TLE3: variants seen among roughly 807,000 people sequenced by gnomAD.
The protein encoded by TLE3 is TLE family member 3, transcriptional corepressor.
Under a neutral mutation model 93.0 loss-of-function variants are expected in TLE3, and 14 were observed. The observed-to-expected ratio is 0.15, with a 90% CI of 0.10 to 0.24. TLE3 has a LOEUF of 0.24. Ranked by LOEUF, TLE3 falls within the 10% of genes least tolerant of loss-of-function variation. TLE3 has a pLI of 1.00. For synonymous variants in TLE3, 451 were observed against 425.0 expected (o/e 1.06, Z -0.75); for missense variants, 693 against 1,046.6 (o/e 0.66, Z 4.66).
chr15:70,074,585 G>A lies in TLE3; in HGVS notation c.320C>T (p.Ala107Val). ...SQEHQQQVAQ[A>V]VERAKQVTMT... ...GGTGACCTGCTTGGCGCGCTCCACT[G>A]CCTGCGCCACCTGCTGCTGGTGCTG... The change falls in exon 6 of 20, where the codon GCA becomes GTA. Residue 107 changes from alanine (A) to valine (V), a missense_variant. Ala to Val is a moderately conservative substitution (Grantham distance 64). Around this residue, in one of 4 missense-constraint regions of TLE3, gnomAD observed 104 missense variants for 173.8 expected, o/e 0.60. Coordinates refer to ENST00000451782, the MANE Select transcript of TLE3 (RefSeq NM_001105192.3). The A allele has an allele frequency of 6.2e-7, 1 of 1,611,736 alleles. No homozygotes were observed. Among genetic ancestry groups the A allele is most frequent in the Non-Finnish European group, 8.5e-7 (1 of 1,179,066 alleles).
intron 14 of TLE3, 180 bp from the exon 15 acceptor site, chr15:70,055,478 T>G (rs2055939427): frequency 2.3e-6 from 1 of 433,596 alleles, no homozygotes; most frequent in Non-Finnish European, 3.2e-6. Flanking sequence ...GAGGTAGACA[T>G]GATTAACAGA....
chr15:70,076,748 G>A (rs1318618687), intron 4 of TLE3, among the ~76,000 whole-genome samples: 2 of 151,912 alleles, frequency 1.3e-5, no homozygotes, highest in Non-Finnish European at 2.9e-5. Context: ...ATTAAGACAG[G>A]GTCTCACTGT....
chr15:70,093,769 T>C (rs553846428), intron 4 of TLE3, among the ~76,000 whole-genome samples: 14 of 152,320 alleles, frequency 9.2e-5, no homozygotes, highest in African/African-American at 3.1e-4. Flanking sequence ...AGAGTGACAA[T>C]ACCAGGTAGT....
chr15:70,050,378 G>A (rs2055411124), intron 19 of TLE3, 174 bp from the exon 20 acceptor site: 1 of 560,100 alleles, frequency 1.8e-6, no homozygotes, highest in Non-Finnish European at 3.2e-6. Context: ...GAGGAGGTGG[G>A]GGAGGCTTTA....
chr15:70,086,196 C>A (rs1204543912), intron 4 of TLE3, among the ~76,000 whole-genome samples: 3 of 152,202 alleles, frequency 2.0e-5, no homozygotes, highest in Non-Finnish European at 4.4e-5. Context: ...AGTTCTTGTA[C>A]CTCACCCCCA....
Position 70,056,500 on chromosome 15 carries a change from C to T in TLE3, c.1252-126G>A, listed in dbSNP as rs966323156. 1.2e-5 allele frequency: 10 copies of T among 828,498 alleles called. No homozygotes were observed. The African/African-American group carries it at 1.7e-4, about 14-fold the overall frequency. The allele number at this position is 828,498 out of a possible 1,614,324, so 51.3% of individuals were successfully genotyped here. On this transcript the variant is annotated intron_variant, in intron 13 of 19. Coordinates refer to ENST00000451782, the MANE Select transcript of TLE3 (RefSeq NM_001105192.3). ...GCCACTTTGTAACCCAAGAGACAAGCTGAGCAGAGCAGAGCCCATTGATTC... is the reference window on the plus strand; with the variant it reads ...GCCACTTTGTAACCCAAGAGACAAGTTGAGCAGAGCAGAGCCCATTGATTC...
intron 4 of TLE3, among the ~76,000 whole-genome samples, chr15:70,087,502 C>G (rs1759082377): frequency 1.3e-5 from 2 of 152,270 alleles, no homozygotes; most frequent in Admixed American, 6.5e-5. Flanking sequence ...AGTTTGTCCT[C>G]TGGAAAGTAC....
chr15:70,064,515 A>C, intron 7 of TLE3, 45 bp from the exon 8 acceptor site: 1 of 1,613,566 alleles, frequency 6.2e-7, no homozygotes. Context: ...CAGGCACCCC[A>C]AAACAAAAAG....
chr15:70,059,530 C>A, intron 9 of TLE3, 70 bp from the exon 10 acceptor site: 1 of 1,481,450 alleles, frequency 6.8e-7, no homozygotes, highest in Non-Finnish European at 9.2e-7. Flanking sequence ...TGAGCCCAAA[C>A]CACCCTGTCC....
chr15:70,095,700 C>A, intron 2 of TLE3, 59 bp from the exon 3 acceptor site: 1 of 1,541,816 alleles, frequency 6.5e-7, no homozygotes, highest in Admixed American at 2.0e-5. Flanking sequence ...CTCTGAGGCC[C>A]CGACCCAAGG....
chr15:70,054,222 G>A (rs1450580260), intron 16 of TLE3: 4 of 569,808 alleles, frequency 7.0e-6, no homozygotes, highest in Non-Finnish European at 1.2e-5. Flanking sequence ...TTTCTTCCCA[G>A]AGCCCTCTCC....
At chr15:70,059,378 A>G (rs772136711) in intron 10 of TLE3, 32 bp downstream of exon 10, 2 of 1,599,070 alleles carry the variant, frequency 1.3e-6, no homozygotes, top group South Asian at 2.3e-5. Context: ...ATGCCAAACC[A>G]AGAGCCCCCT....
chr15:70,079,616 C>T, intron 4 of TLE3: 1 of 335,784 alleles, frequency 3.0e-6, no homozygotes, highest in South Asian at 2.3e-5. Flanking sequence ...GGGCTGCGTG[C>T]ACTCTGCAGA....
chr15:70,087,876 A>G (rs1004259960), intron 4 of TLE3, among the ~76,000 whole-genome samples: 1 of 152,248 alleles, frequency 6.6e-6, no homozygotes, highest in African/African-American at 2.4e-5. Context: ...TTGTTCTCAG[A>G]TAAAATCTGC....
At chr15:70,061,629 A>C (rs1409673011) in intron 8 of TLE3, among the ~76,000 whole-genome samples, 1 of 152,186 alleles carries the variant, frequency 6.6e-6, no homozygotes, top group Non-Finnish European at 1.5e-5. Context: ...CTCTGTGCCC[A>C]GAGACTAATA....
Position 70,057,884 on chromosome 15 carries a change from G to C in TLE3, c.1052-226C>G, listed in dbSNP as rs561500114. On this transcript the variant is annotated intron_variant, in intron 12 of 19. Coordinates refer to ENST00000451782, the MANE Select transcript of TLE3 (RefSeq NM_001105192.3). The stretch of plus-strand genomic sequence containing the variant: ...CAGAGCAGGATATGGAGGCCCAAAT[G>C]GGCTTGCTTAGAGCCTCACTGGACT... The C allele has an allele frequency of 6.3e-4, 451 of 716,528 alleles. 4 individuals are homozygous for C. In the South Asian group the frequency reaches 8.0e-3, roughly 13 times the overall value. 44.4% of individuals were successfully genotyped at this position (716,528 alleles called of 1,614,324 possible).
rs550729180 is a variant in TLE3, at chr15:70,073,642, G to C, written c.372+891C>G. 1.9e-3 allele frequency among the ~76,000 whole-genome samples: 294 copies of C among 152,326 alleles called. 2 individuals carry two copies. Among genetic ancestry groups the C allele is most frequent in the African/African-American group, 6.9e-3 (285 of 41,572 alleles). ...ATCTGTACCGTCCAGAAGCTCCTCCGTGGACTGGGAAGCAGTGATCCTGTC... is the reference window on the plus strand; with the variant it reads ...ATCTGTACCGTCCAGAAGCTCCTCCCTGGACTGGGAAGCAGTGATCCTGTC... On this transcript the variant is annotated intron_variant, in intron 6 of 19. Coordinates refer to ENST00000451782, the MANE Select transcript of TLE3 (RefSeq NM_001105192.3).
rs371314649 is a variant in TLE3 at position 70,050,054 on chromosome 15, G to C, written c.*43C>G. 1.3e-6 allele frequency: 2 copies of C among 1,558,780 alleles called. No individual in the cohort carries two copies. Among genetic ancestry groups the C allele is most frequent in the Non-Finnish European group, 1.8e-6 (2 of 1,130,252 alleles). ...CTGGGGGTCTCCCTGTCAGAGCCGA[G>C]TCGGTTTCTCCCAGAGTTTGACAGC... On this transcript the variant is annotated 3_prime_UTR_variant, in exon 20 of 20. Transcript: ENST00000451782.
At chr15:70,096,036 G>C in intron 2 of TLE3, 125 bp downstream of exon 2, 4 of 1,113,062 alleles carry the variant, frequency 3.6e-6, no homozygotes, top group Non-Finnish European at 5.0e-6. Flanking sequence ...AACAAAAGGC[G>C]GAGGCCCGGG....
Sources: gnomAD v4.1 joint callset for allele counts (sites outside exome capture counted in the v4.1 genomes callset) on GRCh38, gnomAD v4.1.1 for gene constraint, gnomAD v4.1.1 regional missense constraint, MANE v1.5 for transcripts, NCBI Gene and HGNC (gene_info 2026-07-23, HGNC 2026-07-21) for gene names.